The following SHISA6 variants were observed in gnomAD, a reference collection of about 807,000 sequenced individuals.
SHISA6 encodes the protein shisa family member 6.
SHISA6 carries 22 observed loss-of-function variants against 47.9 expected under a neutral mutation model. The observed-to-expected ratio is 0.46, with a 90% CI of 0.33 to 0.66. SHISA6 has a LOEUF of 0.66. Among genes scored for constraint, SHISA6 ranks in the 30% least tolerant of loss-of-function variants. SHISA6 has a pLI of 0.02. For missense variants in SHISA6, 680 were observed against 764.6 expected, an observed-to-expected ratio of 0.89 and a Z score of 1.30; for synonymous variants, 388 against 337.8, an observed-to-expected ratio of 1.15 and a Z score of -1.63.
At chr17:11,435,356 T>A (rs1160906526) in intron 3 of SHISA6, among the ~76,000 whole-genome samples, 1 of 151,856 alleles carries the variant, frequency 6.6e-6, no homozygotes, top group Non-Finnish European at 1.5e-5. Context: ...ATAACAAAAG[T>A]CTCACCTCAA....
Position 11,333,553 on chromosome 17 carries a change from C to T in SHISA6, c.800-45861C>T, listed in dbSNP as rs187445942. On this transcript the variant is annotated intron_variant, in intron 2 of 5. Transcript: ENST00000441885. ...ATTTTGAGATGGAGTCTCACTCTGT[C>T]GCCCAGGCTGGAGTGCAGTGGTGTG... is the stretch of plus-strand genomic sequence containing the variant. 2.7e-4 allele frequency among the ~76,000 whole-genome samples: 41 copies of T among 152,116 alleles called. No individual in the cohort carries two copies. In the East Asian group the frequency reaches 6.6e-3, roughly 24 times the overall value.
At chr17:11,537,704 AC>A (rs2071799302) in intron 3 of SHISA6, among the ~76,000 whole-genome samples, 1 of 152,214 alleles carries the variant, frequency 6.6e-6, no homozygotes, top group Non-Finnish European at 1.5e-5. Flanking sequence ...ATTTTCTGCT[AC>A]CTCAAGAGTT....
intron 3 of SHISA6, among the ~76,000 whole-genome samples, chr17:11,497,325 G>A (rs2071417318): frequency 6.6e-6 from 1 of 152,124 alleles, no homozygotes; most frequent in South Asian, 2.1e-4. Context: ...GGGAGGGAAG[G>A]GAAGTGATCT....
chr17:11,477,223 GTC>G (rs1916072556), intron 3 of SHISA6, among the ~76,000 whole-genome samples: 1 of 152,080 alleles, frequency 6.6e-6, no homozygotes, highest in Non-Finnish European at 1.5e-5. Context: ...GAAAATCTCT[GTC>G]TGTTGATTGG....
chr17:11,518,548 C>A (rs2142361017), intron 3 of SHISA6, among the ~76,000 whole-genome samples: 1 of 152,226 alleles, frequency 6.6e-6, no homozygotes, highest in African/African-American at 2.4e-5. Context: ...TTTATGATTC[C>A]AAATCTCAGA....
rs552205096 is a variant in SHISA6, at chr17:11,306,043, C to G, written c.799+42517C>G. ...CCCCAAAGCAAACAACCCCACCAAA[C>G]CTCATCAGCTATGAAGACCTGAAAA... On this transcript the variant is annotated intron_variant, in intron 2 of 5. Coordinates refer to ENST00000441885, the MANE Select transcript of SHISA6 (RefSeq NM_207386.4). Among the ~76,000 whole-genome samples the G allele has an allele frequency of 6.6e-5, 10 of 152,300 alleles. No individual in the cohort carries two copies. The South Asian group carries it at 2.1e-3, about 32-fold the overall frequency.
Position 11,558,608 on chromosome 17 carries a change from T to G in SHISA6, c.*304T>G. On this transcript the variant is annotated 3_prime_UTR_variant, in exon 6 of 6. Transcript: ENST00000441885. The stretch of plus-strand genomic sequence containing the variant: ...ACCACCTTCACCAACTCCCTTTCCG[T>G]CCCGCGCCTCCTTCTCCCCATCCGG... 4.9e-6 allele frequency: 2 copies of G among 405,220 alleles called. No individual in the cohort carries two copies. The highest frequency in any genetic ancestry group is 4.5e-6 in the Non-Finnish European group (1 of 221,614). 25.1% of individuals were successfully genotyped at this position (405,220 alleles called of 1,614,324 possible).
chr17:11,335,165 C>T (rs1448311362), intron 2 of SHISA6, among the ~76,000 whole-genome samples: 1 of 152,218 alleles, frequency 6.6e-6, no homozygotes, highest in African/African-American at 2.4e-5. Flanking sequence ...CACAAAGATA[C>T]TCGCAACCCA....
chr17:11,362,969 G>T (rs575898860), intron 2 of SHISA6, among the ~76,000 whole-genome samples: 26 of 152,294 alleles, frequency 1.7e-4, no homozygotes, highest in Middle Eastern at 3.4e-3. Flanking sequence ...TTTATTAGTG[G>T]AATAAATGTC....
At chr17:11,421,645 A>T (rs1251481322) in intron 3 of SHISA6, among the ~76,000 whole-genome samples, 2 of 152,244 alleles carry the variant, frequency 1.3e-5, no homozygotes, top group East Asian at 3.8e-4. Flanking sequence ...AAAATGGAAC[A>T]AACATACTTT....
chr17:11,431,165 CAGCAGCTTGTTCTT>C lies in SHISA6; in HGVS notation c.895+51657_895+51670del, dbSNP rs370851599. 2.0e-4 allele frequency among the ~76,000 whole-genome samples: 30 copies of C among 152,284 alleles called. No homozygotes were observed. The East Asian group carries it at 2.5e-3, about 13-fold the overall frequency. ...TCATGTCCCCCCTGAGTCATCAGCC[CAGCAGCTTGTTCTT>C]CTGGTTGTTCATGTCTCCCCACTCT... is the stretch of plus-strand genomic sequence containing the variant. On this transcript the variant is annotated intron_variant, in intron 3 of 5. Coordinates refer to ENST00000441885, the MANE Select transcript of SHISA6 (RefSeq NM_207386.4).
intron 3 of SHISA6, among the ~76,000 whole-genome samples, chr17:11,547,412 T>C (rs1232385717): frequency 6.6e-6 from 1 of 152,164 alleles, no homozygotes; most frequent in Non-Finnish European, 1.5e-5. Flanking sequence ...ATGGCAAAAG[T>C]TCAAACAAAC....
chr17:11,241,347 G>C lies in SHISA6; in HGVS notation c.-76G>C. On this transcript the variant is annotated 5_prime_UTR_variant, in exon 1 of 6. Transcript: ENST00000441885. This position sits in a 1 kb window ranked among gnomAD's most constrained non-coding sequence, Gnocchi z 5.5. ...GCGCCTCCAGCCCGGCCCGCGCGGC[G>C]GGTCCTCCGAGCCCGGCCCGCCGGG... 1 of 917,204 alleles carries C rather than the reference G, an allele frequency of 1.1e-6. No homozygotes were observed. The highest frequency in any genetic ancestry group is 1.3e-6 in the Non-Finnish European group (1 of 765,522). The allele number at this position is 917,204 out of a possible 1,614,324, so 56.8% of individuals were successfully genotyped here. A position where few individuals can be genotyped will look rare whatever the true frequency, so the allele number is the denominator to read the frequency against.
At chr17:11,547,912 A>G (rs2071896426) in intron 3 of SHISA6, among the ~76,000 whole-genome samples, 1 of 152,196 alleles carries the variant, frequency 6.6e-6, no homozygotes, top group South Asian at 2.1e-4. Flanking sequence ...TGTCCAATGG[A>G]TTTTTTTAAA....
chr17:11,298,906 A>T (rs1185321994), intron 2 of SHISA6, among the ~76,000 whole-genome samples: 1 of 152,200 alleles, frequency 6.6e-6, no homozygotes, highest in African/African-American at 2.4e-5. Context: ...GGGTGGACTG[A>T]TGTTAGAGGT....
intron 1 of SHISA6, among the ~76,000 whole-genome samples, chr17:11,248,852 A>C (rs944627206): frequency 1.3e-5 from 2 of 152,190 alleles, no homozygotes; most frequent in African/African-American, 4.8e-5. Context: ...GTCATTAAAA[A>C]TTCAGGGCCA....
intron 3 of SHISA6, among the ~76,000 whole-genome samples, chr17:11,422,336 C>T (rs1914471295): frequency 6.6e-6 from 1 of 152,138 alleles, no homozygotes; most frequent in Non-Finnish European, 1.5e-5. Context: ...CAAGACCATA[C>T]CTGTGAGTGA....
intron 3 of SHISA6, among the ~76,000 whole-genome samples, chr17:11,473,382 G>A (rs943130575): frequency 6.6e-6 from 1 of 152,140 alleles, no homozygotes; most frequent in African/African-American, 2.4e-5. Context: ...AAAGTCCAAG[G>A]TGCCAGCAGA....
intron 2 of SHISA6, among the ~76,000 whole-genome samples, chr17:11,371,760 G>A (rs894927575): frequency 6.6e-6 from 1 of 151,688 alleles, no homozygotes; most frequent in African/African-American, 2.4e-5. Context: ...TGGCCCATGA[G>A]CCCACTTTAT....
Sources: gnomAD v4.1 joint callset for allele counts (sites outside exome capture counted in the v4.1 genomes callset) on GRCh38, gnomAD v4.1.1 for gene constraint, Gnocchi (gnomAD v3.1) non-coding constraint, MANE v1.5 for transcripts, NCBI Gene and HGNC (gene_info 2026-07-23, HGNC 2026-07-21) for gene names.